ANKAR: variants seen among roughly 807,000 people sequenced by gnomAD.
The protein encoded by ANKAR is ankyrin and armadillo repeat containing, also known as ankyrin and armadillo repeat-containing protein.
ANKAR carries 136 observed loss-of-function variants against 146.2 expected under a neutral mutation model. That is an observed-to-expected ratio of 0.93 (90% CI 0.81 to 1.07). ANKAR has a LOEUF of 1.07. Ranked by LOEUF, ANKAR falls within the 50% of genes least tolerant of loss-of-function variation. ANKAR has a pLI of 0.00. For synonymous variants in ANKAR, 500 were observed against 575.8 expected (o/e 0.87, Z 1.88); for missense variants, 1,567 against 1,679.9 (o/e 0.93, Z 1.18).
chr2:189,681,079 C>T (rs897924312), intron 2 of ANKAR, among the ~76,000 whole-genome samples: 1 of 151,998 alleles, frequency 6.6e-6, no homozygotes, highest in South Asian at 2.1e-4. Flanking sequence ...TTTGAGAGGA[C>T]GTGGGACTGA....
At chr2:189,714,080 C>T (rs1299981029) in intron 10 of ANKAR, among the ~76,000 whole-genome samples, 2 of 152,184 alleles carry the variant, frequency 1.3e-5, no homozygotes, top group Admixed American at 1.3e-4. Flanking sequence ...AATATATATG[C>T]ACCCAATACT....
chr2:189,738,987 G>A (rs1340038284), intron 19 of ANKAR, among the ~76,000 whole-genome samples: 1 of 151,976 alleles, frequency 6.6e-6, no homozygotes, highest in Admixed American at 6.6e-5. Context: ...CCTACAAACA[G>A]CAAAATAAAA....
intron 17 of ANKAR, among the ~76,000 whole-genome samples, chr2:189,736,923 A>T (rs1261491022): frequency 6.6e-6 from 1 of 151,652 alleles, no homozygotes; most frequent in African/African-American, 2.4e-5. Flanking sequence ...AAATACAGAA[A>T]ATTAGCCAGG....
intron 13 of ANKAR, 57 bp from the exon 14 acceptor site, chr2:189,728,210 C>A: frequency 6.6e-7 from 1 of 1,510,634 alleles, no homozygotes; most frequent in Non-Finnish European, 8.9e-7. Context: ...ATAAAATATG[C>A]ATTCCTAAAA....
At chr2:189,752,147 A>AT (rs2045365429) in intron 18 of ANKAR, among the ~76,000 whole-genome samples, 1 of 151,974 alleles carries the variant, frequency 6.6e-6, no homozygotes. Flanking sequence ...AAAAAAAAAA[A>AT]GAAAAAAAGT....
intron 3 of ANKAR, 100 bp downstream of exon 3, chr2:189,690,064 T>A (rs983766200): frequency 2.6e-6 from 2 of 769,216 alleles, no homozygotes; most frequent in Non-Finnish European, 3.7e-6. Context: ...GGCAGTAACC[T>A]AGCTATAACC....
chr2:189,725,660 C>T (rs1174752985), intron 12 of ANKAR, among the ~76,000 whole-genome samples: 2 of 152,222 alleles, frequency 1.3e-5, no homozygotes, highest in South Asian at 4.1e-4. Context: ...ATAATCCCAG[C>T]ACTTTGCGGG....
In ANKAR at chr2:189,719,652, A is replaced by T; in HGVS notation, c.2305A>T (p.Ile769Phe). ...QCKTVGLLSN[I>F]STHKSAVHAL... is the part of the protein sequence containing the mutation. ...CAAAACTGTTGGGTTATTGAGTAAT[A>T]TCTCAACCCACAAAAGTGCAGTGCA... The change falls in exon 11 of 23, where the codon ATC (isoleucine) becomes TTC (phenylalanine). Residue 769 changes from isoleucine to phenylalanine, a missense_variant. By Grantham distance (21) the Ile-to-Phe change is conservative (BLOSUM62 0). Transcript: ENST00000684021. 6.2e-7 allele frequency: 1 copy of T among 1,614,190 alleles called. No homozygotes were observed. The highest frequency in any genetic ancestry group is 8.5e-7 in the Non-Finnish European group (1 of 1,180,022).
At chr2:189,740,385 G>T (rs1278432016) in intron 19 of ANKAR, among the ~76,000 whole-genome samples, 2 of 151,988 alleles carry the variant, frequency 1.3e-5, no homozygotes, top group African/African-American at 4.8e-5. Context: ...GGAATTTCTT[G>T]GCTTATAATA....
intron 2 of ANKAR, among the ~76,000 whole-genome samples, chr2:189,679,535 T>A (rs996760173): frequency 6.6e-6 from 1 of 152,224 alleles, no homozygotes; most frequent in African/African-American, 2.4e-5. Flanking sequence ...ATCCTTGTCT[T>A]GTTCCAGTTC....
At chr2:189,738,414 C>T (rs1231210229) in intron 18 of ANKAR, 151 bp from the exon 19 acceptor site, 7 of 546,510 alleles carry the variant, frequency 1.3e-5, no homozygotes, top group Non-Finnish European at 9.7e-6. Flanking sequence ...ACTCTCCCCA[C>T]CACCACATGC....
In ANKAR at chr2:189,676,632, A is replaced by G; in HGVS notation, c.142A>G (p.Thr48Ala). ...YDRSEIQELL[T>A]TALVSWLSAK... Reference sequence around the variant, plus strand: ...TCGGAGTGAAATACAAGAGTTACTAACTACTGCACTAGTTAGCTGGTTGTC... The same window carrying G: ...TCGGAGTGAAATACAAGAGTTACTAGCTACTGCACTAGTTAGCTGGTTGTC... The change falls in exon 2 of 23, where the codon ACT becomes GCT. Residue 48 changes from threonine to alanine, a missense_variant. Thr to Ala is a moderately conservative substitution (Grantham distance 58). Coordinates refer to ENST00000684021, the MANE Select transcript of ANKAR (RefSeq NM_001378068.1). 1.2e-6 allele frequency: 2 copies of G among 1,614,130 alleles called. No individual in the cohort carries two copies. Among genetic ancestry groups the G allele is most frequent in the South Asian group, 2.2e-5 (2 of 91,086 alleles).
At chr2:189,762,811 G>C (rs1051725516), downstream of ANKAR, 3 of 985,512 alleles carry the variant, frequency 3.0e-6, no homozygotes, top group South Asian at 4.7e-5. Flanking sequence ...AACTGTGCAA[G>C]GTCCCGTCCA....
At chr2:189,752,773 A>G in intron 18 of ANKAR, 1 of 1,613,424 alleles carries the variant, frequency 6.2e-7, no homozygotes, top group Non-Finnish European at 8.5e-7. Context: ...GATCTGAAGG[A>G]AGAAGGCTTA....
At chr2:189,751,334 G>A (rs1045461406), downstream of ANKAR, among the ~76,000 whole-genome samples, 1 of 152,158 alleles carries the variant, frequency 6.6e-6, no homozygotes, top group African/African-American at 2.4e-5. Flanking sequence ...AGGTATCAAA[G>A]GGATGCCTTC....
chr2:189,752,325 T>C (rs1256661046), intron 18 of ANKAR, among the ~76,000 whole-genome samples: 1 of 152,174 alleles, frequency 6.6e-6, no homozygotes, highest in Non-Finnish European at 1.5e-5. Flanking sequence ...TTTCCCAGCA[T>C]ACTTGCTGGT....
rs570565133 is a variant in ANKAR, at chr2:189,731,616, C to G, written c.3300+1015C>G. Among the ~76,000 whole-genome samples, 4 of 152,164 alleles carry G rather than the reference C, an allele frequency of 2.6e-5. No homozygotes were observed. The East Asian group carries it at 7.7e-4, about 29-fold the overall frequency. On this transcript the variant is annotated intron_variant, in intron 16 of 22. Transcript: ENST00000684021. ...TGAATTCCTGACCTCAAGTGATCTTCCCACCTCGGCCTCCCAAAGTGCTGG... is the reference window on the plus strand; with the variant it reads ...TGAATTCCTGACCTCAAGTGATCTTGCCACCTCGGCCTCCCAAAGTGCTGG...
intron 17 of ANKAR, among the ~76,000 whole-genome samples, chr2:189,736,496 T>TG (rs1192324965): frequency 1.2e-4 from 6 of 52,062 alleles, no homozygotes; most frequent in Admixed American, 8.3e-4. Flanking sequence ...TTTAGGTGAC[T>TG]GGGTTTTGTG....
chr2:189,747,680 TTTAC>T (rs1369215902), downstream of ANKAR, among the ~76,000 whole-genome samples: 44 of 151,928 alleles, frequency 2.9e-4, no homozygotes, highest in African/African-American at 9.4e-4. Flanking sequence ...TGTACTTTAT[TTTAC>T]TTACTTACTT....
Sources: allele counts gnomAD v4.1 joint callset (sites outside exome capture counted in the v4.1 genomes callset), GRCh38; gene constraint gnomAD v4.1.1; transcripts MANE v1.5; gene names NCBI Gene and HGNC (gene_info 2026-07-23, HGNC 2026-07-21).